The following CACNA2D3 variants were observed in gnomAD, a reference collection of about 807,000 sequenced individuals.
CACNA2D3 encodes voltage-dependent calcium channel subunit alpha-2/delta-3.
Under a neutral mutation model 160.6 loss-of-function variants are expected in CACNA2D3, and 60 were observed. That is an observed-to-expected ratio of 0.37 (90% CI 0.30 to 0.46). CACNA2D3 has a LOEUF of 0.46. CACNA2D3 is among the 20% of genes least tolerant of loss of function. The pLI is 1.00. For synonymous variants in CACNA2D3, 558 were observed against 492.9 expected (o/e 1.13, Z -1.75); for missense variants, 1,205 against 1,365.0 (o/e 0.88, Z 1.85).
chr3:54,542,262 A>G (rs1339015954), intron 5 of CACNA2D3, among the ~76,000 whole-genome samples: 1 of 151,948 alleles, frequency 6.6e-6, no homozygotes, highest in African/African-American at 2.4e-5. Context: ...GGGTTTTACC[A>G]TGTTGGCCAG....
chr3:54,165,600 T>TAAA (rs373085382), intron 2 of CACNA2D3, among the ~76,000 whole-genome samples: 27,052 of 92,058 alleles, frequency 0.29, 3,112 homozygotes, highest in East Asian at 0.39. Flanking sequence ...GTTCCATCTC[T>TAAA]AAAAAAAAAA....
intron 11 of CACNA2D3, among the ~76,000 whole-genome samples, chr3:54,714,327 A>T (rs1248063204): frequency 1.3e-5 from 2 of 152,172 alleles, no homozygotes; most frequent in Non-Finnish European, 2.9e-5. Context: ...AAGCTCTTTC[A>T]TTTATGGAGC....
rs186848156 is a variant in CACNA2D3, at chr3:54,802,004, T to C, written c.1381-14849T>C. On this transcript the variant is annotated intron_variant, in intron 13 of 37. Transcript: ENST00000474759. ...TGCAGCAAAAATTAGAATGAGGACA[T>C]GACTAGTTTTAAAGTAGTAAAGTCA... Among the ~76,000 whole-genome samples, 7 of 152,346 alleles carry C rather than the reference T, an allele frequency of 4.6e-5. No homozygotes were observed. The South Asian group carries it at 1.4e-3, about 32-fold the overall frequency.
chr3:54,383,227 G>A (rs753263736), intron 3 of CACNA2D3, among the ~76,000 whole-genome samples: 3 of 152,178 alleles, frequency 2.0e-5, no homozygotes, highest in African/African-American at 7.2e-5. Context: ...TCAGAGGAAA[G>A]ATTACTGTCC....
At chr3:54,649,634 G>A (rs1054426735) in intron 11 of CACNA2D3, among the ~76,000 whole-genome samples, 9 of 152,108 alleles carry the variant, frequency 5.9e-5, no homozygotes, top group Non-Finnish European at 1.3e-4. Context: ...TCCTCACCTG[G>A]CATTGAGTCA....
At chr3:54,823,377 C>T (rs1048473611) in intron 14 of CACNA2D3, among the ~76,000 whole-genome samples, 9 of 150,210 alleles carry the variant, frequency 6.0e-5, no homozygotes, top group African/African-American at 2.2e-4. Flanking sequence ...TTATTATTAA[C>T]TTTTTTAAAA....
intron 27 of CACNA2D3, among the ~76,000 whole-genome samples, chr3:54,939,047 G>A (rs1478297097): frequency 6.6e-6 from 1 of 152,146 alleles, no homozygotes; most frequent in Non-Finnish European, 1.5e-5. Context: ...TCTCCATTTG[G>A]GATAATGAGG....
intron 14 of CACNA2D3, among the ~76,000 whole-genome samples, chr3:54,829,241 G>GGGGGA (rs1703815294): frequency 2.0e-5 from 3 of 152,152 alleles, no homozygotes; most frequent in Non-Finnish European, 4.4e-5. Flanking sequence ...AAAGGTGTCT[G>GGGGGA]TATCTCTACT....
rs759081011 is a variant in CACNA2D3, at chr3:54,891,782, G to A, written c.2246+332G>A. Among the ~76,000 whole-genome samples, 6 of 152,326 alleles carry A rather than the reference G, an allele frequency of 3.9e-5. No homozygotes were observed. The East Asian group carries it at 5.8e-4, about 15-fold the overall frequency. ...GCCAGAGGGAGGAAACACTCATCTC[G>A]TAACAAATGGCTTCAGGGTGTTCAG... On this transcript the variant is annotated intron_variant, in intron 25 of 37. Coordinates refer to ENST00000474759, the MANE Select transcript of CACNA2D3 (RefSeq NM_018398.3).
At chr3:54,538,104 T>G (rs1701917021) in intron 5 of CACNA2D3, among the ~76,000 whole-genome samples, 2 of 152,118 alleles carry the variant, frequency 1.3e-5, no homozygotes, top group Admixed American at 1.3e-4. Context: ...TCAAACCTGC[T>G]GAGAACCAGC....
chr3:54,680,243 A>C (rs961305546), intron 11 of CACNA2D3, among the ~76,000 whole-genome samples: 1 of 152,202 alleles, frequency 6.6e-6, no homozygotes, highest in East Asian at 1.9e-4. Context: ...AAAGATATAC[A>C]TTCACCTAAT....
At chr3:54,665,727 T>C (rs1365120777) in intron 11 of CACNA2D3, among the ~76,000 whole-genome samples, 1 of 151,534 alleles carries the variant, frequency 6.6e-6, no homozygotes, top group Non-Finnish European at 1.5e-5. Context: ...ACTGTAACAT[T>C]AATAGTAAGG....
chr3:54,294,592 G>A (rs1288814649), intron 2 of CACNA2D3, among the ~76,000 whole-genome samples: 2 of 152,170 alleles, frequency 1.3e-5, no homozygotes, highest in African/African-American at 4.8e-5. Flanking sequence ...TGTTCCCCAC[G>A]CTTTGCATGA....
intron 27 of CACNA2D3, chr3:54,924,649 T>A: frequency 1.2e-6 from 2 of 1,614,122 alleles, no homozygotes; most frequent in Non-Finnish European, 1.7e-6. Context: ...AGCCAGAGTT[T>A]AAGACCGAGC....
chr3:54,381,584 T>A (rs1341694814), intron 3 of CACNA2D3, among the ~76,000 whole-genome samples: 1 of 152,234 alleles, frequency 6.6e-6, no homozygotes, highest in East Asian at 1.9e-4. Flanking sequence ...GACGGAAAGT[T>A]TGACCTCTAC....
chr3:54,630,717 A>G (rs1699218073), intron 10 of CACNA2D3, among the ~76,000 whole-genome samples: 1 of 152,186 alleles, frequency 6.6e-6, no homozygotes, highest in Non-Finnish European at 1.5e-5. Context: ...CACAGGGCCT[A>G]CTAAGACCCA....
At chr3:54,974,166 T>C (rs1702333887) in intron 29 of CACNA2D3, among the ~76,000 whole-genome samples, 1 of 152,198 alleles carries the variant, frequency 6.6e-6, no homozygotes, top group Admixed American at 6.5e-5. Flanking sequence ...TCTGAAAAAC[T>C]GTACAATTGT....
chr3:54,828,094 A>G (rs915746864), intron 14 of CACNA2D3, among the ~76,000 whole-genome samples: 1 of 152,174 alleles, frequency 6.6e-6, no homozygotes, highest in Non-Finnish European at 1.5e-5. Flanking sequence ...TTAGTTAGGG[A>G]AGGTTTTATG....
chr3:54,183,969 T>A (rs7640436), intron 2 of CACNA2D3, among the ~76,000 whole-genome samples: 4 of 149,194 alleles, frequency 2.7e-5, no homozygotes, highest in African/African-American at 9.9e-5. Context: ...TTACCTTGAC[T>A]GTGGAATCAA....
Sources: gnomAD v4.1 joint callset for allele counts (sites outside exome capture counted in the v4.1 genomes callset) on GRCh38, gnomAD v4.1.1 for gene constraint, MANE v1.5 for transcripts, NCBI Gene and HGNC (gene_info 2026-07-23, HGNC 2026-07-21) for gene names.